Variants in MYO16 observed in about 807,000 individuals in gnomAD.
MYO16 encodes unconventional myosin-XVI.
In MYO16, 94 loss-of-function variants were observed where a neutral mutation model predicts 205.3. The ratio of observed to expected loss-of-function variants is 0.46; its 90% confidence interval spans 0.39 to 0.54. MYO16 has a LOEUF of 0.54. MYO16 is among the 20% of genes least tolerant of loss of function. The pLI is 0.00. For missense variants in MYO16, 2,315 were observed against 2,387.5 expected, an observed-to-expected ratio of 0.97 and a Z score of 0.63; for synonymous variants, 988 against 954.0, an observed-to-expected ratio of 1.04 and a Z score of -0.66.
chr13:108,526,423 C>T, the MYO16 span, among the ~76,000 whole-genome samples: 1 of 152,178 alleles, frequency 6.6e-6, no homozygotes, highest in African/African-American at 2.4e-5. Context: ...ATGACCTCAA[C>T]AATATTTAAG....
chr13:108,623,121 C>G (rs1474274741), intron 1 of MYO16, among the ~76,000 whole-genome samples: 1 of 152,132 alleles, frequency 6.6e-6, no homozygotes, highest in Non-Finnish European at 1.5e-5. Flanking sequence ...CGTCCAGCTT[C>G]CAAGGTATGC....
intron 4 of MYO16, among the ~76,000 whole-genome samples, chr13:108,781,735 G>A (rs528288867): frequency 2.0e-5 from 3 of 152,242 alleles, no homozygotes; most frequent in Admixed American, 6.5e-5. Flanking sequence ...ACTTCTTGTG[G>A]GAGGGACCCA....
intron 1 of MYO16, among the ~76,000 whole-genome samples, chr13:108,610,041 A>G (rs1879113912): frequency 6.6e-6 from 1 of 152,190 alleles, no homozygotes; most frequent in Non-Finnish European, 1.5e-5. Flanking sequence ...CAAACAGAAT[A>G]AAGTTCATGT....
chr13:108,685,220 A>G (rs1882629062), intron 2 of MYO16, among the ~76,000 whole-genome samples: 1 of 151,918 alleles, frequency 6.6e-6, no homozygotes, highest in Non-Finnish European at 1.5e-5. Flanking sequence ...ATGGGGTTTC[A>G]CCATGCAGGC....
intron 4 of MYO16, among the ~76,000 whole-genome samples, chr13:108,747,385 G>A (rs1036115323): frequency 6.6e-6 from 1 of 152,100 alleles, no homozygotes; most frequent in Non-Finnish European, 1.5e-5. Context: ...TAATATCATA[G>A]CGGGTACAGA....
intron 21 of MYO16, among the ~76,000 whole-genome samples, chr13:109,006,042 T>C (rs1266532341): frequency 6.6e-6 from 1 of 152,190 alleles, no homozygotes; most frequent in African/African-American, 2.4e-5. Flanking sequence ...GTAATTTGTC[T>C]TGCTCATTGG....
the MYO16 span, among the ~76,000 whole-genome samples, chr13:108,541,590 A>AT: frequency 6.6e-6 from 1 of 152,058 alleles, no homozygotes; most frequent in African/African-American, 2.4e-5. Context: ...ACATTTTACC[A>AT]TAAAAAGTTT....
At chr13:108,527,124 G>A in the MYO16 span, among the ~76,000 whole-genome samples, 7 of 152,226 alleles carry the variant, frequency 4.6e-5, no homozygotes, top group Non-Finnish European at 7.4e-5. Flanking sequence ...ATAACTCCAA[G>A]TGAACAAGCA....
intron 3 of MYO16, among the ~76,000 whole-genome samples, chr13:108,717,083 A>G (rs1012206234): frequency 2.0e-5 from 3 of 152,144 alleles, no homozygotes; most frequent in Non-Finnish European, 2.9e-5. Flanking sequence ...TACAAAAAAA[A>G]AAATTATGTT....
chr13:108,995,478 G>A (rs1884972351), intron 21 of MYO16, among the ~76,000 whole-genome samples: 1 of 152,008 alleles, frequency 6.6e-6, no homozygotes, highest in Admixed American at 6.6e-5. Flanking sequence ...TAGGGTACAT[G>A]TGCACAACAT....
chr13:109,060,761 G>A (rs773232162), intron 27 of MYO16, among the ~76,000 whole-genome samples: 17 of 152,158 alleles, frequency 1.1e-4, no homozygotes, highest in Non-Finnish European at 2.4e-4. Context: ...TTTTGGAATT[G>A]CAAATGATAA....
intron 23 of MYO16, among the ~76,000 whole-genome samples, chr13:109,024,026 ATG>A (rs1271531916): frequency 9.5e-6 from 1 of 105,078 alleles, no homozygotes; most frequent in African/African-American, 2.7e-5. Context: ...TACAATGTGT[ATG>A]TATATATTTA....
intron 27 of MYO16, among the ~76,000 whole-genome samples, chr13:109,077,008 T>G (rs113080432): frequency 3.3e-4 from 47 of 143,366 alleles, no homozygotes; most frequent in Admixed American, 6.3e-4. Context: ...TTTTTTTTTT[T>G]GGAGATGGAG....
At chr13:108,626,990 G>T (rs1879767912), upstream of MYO16, among the ~76,000 whole-genome samples, 1 of 144,028 alleles carries the variant, frequency 6.9e-6, no homozygotes, top group African/African-American at 2.5e-5. Flanking sequence ...ATATATATAT[G>T]ATTGAAGGAG....
chr13:109,020,605 GTCT>G (rs143483729), intron 23 of MYO16, among the ~76,000 whole-genome samples: 1 of 152,118 alleles, frequency 6.6e-6, no homozygotes, highest in African/African-American at 2.4e-5. Context: ...TATCTTCCTT[GTCT>G]TCTTAACAAG....
At chr13:109,139,957 G>T (rs531604026) in intron 31 of MYO16, among the ~76,000 whole-genome samples, 1 of 152,066 alleles carries the variant, frequency 6.6e-6, no homozygotes, top group East Asian at 1.9e-4. Context: ...TAGGCAAGGG[G>T]GGTGGGTGGG....
chr13:109,155,646 A>C (rs1005882258), intron 32 of MYO16, among the ~76,000 whole-genome samples: 1 of 152,178 alleles, frequency 6.6e-6, no homozygotes, highest in Non-Finnish European at 1.5e-5. Flanking sequence ...TCACCACTAG[A>C]CTCAGACGCC....
the MYO16 span, among the ~76,000 whole-genome samples, chr13:108,527,531 A>C: frequency 6.6e-6 from 1 of 152,188 alleles, no homozygotes; most frequent in East Asian, 1.9e-4. Context: ...GAGTCAAAGA[A>C]TATGAGGCTT....
At chr13:108,980,986 C>A (rs1368053211) in intron 20 of MYO16, among the ~76,000 whole-genome samples, 1 of 152,076 alleles carries the variant, frequency 6.6e-6, no homozygotes, top group Non-Finnish European at 1.5e-5. Context: ...GGGATATGAA[C>A]CCCAGTATGC....
Sources: gnomAD v4.1 joint callset for allele counts (sites outside exome capture counted in the v4.1 genomes callset) on GRCh38, gnomAD v4.1.1 for gene constraint, MANE v1.5 for transcripts, NCBI Gene and HGNC (gene_info 2026-07-23, HGNC 2026-07-21) for gene names.